ADAM22: variants seen among roughly 807,000 people sequenced by gnomAD.
ADAM22 encodes the protein disintegrin and metalloproteinase domain-containing protein 22.
In ADAM22, 65 loss-of-function variants were observed where a neutral mutation model predicts 144.6. That is an observed-to-expected ratio of 0.45 (90% CI 0.37 to 0.55). The LOEUF is 0.55. Among genes scored for constraint, ADAM22 ranks in the 20% least tolerant of loss-of-function variants. The probability of loss-of-function intolerance (pLI) is 0.00; values close to 1 mark genes in which losing one functional copy is unlikely to be tolerated. For synonymous variants in ADAM22, 391 were observed against 412.6 expected (o/e 0.95, Z 0.63); for missense variants, 974 against 1,184.9 (o/e 0.82, Z 2.61).
At chr7:88,126,119 T>G (rs1361611007) in intron 8 of ADAM22, among the ~76,000 whole-genome samples, 1 of 152,064 alleles carries the variant, frequency 6.6e-6, no homozygotes, top group African/African-American at 2.4e-5. Flanking sequence ...AATTAGGTCA[T>G]GGACTTTATG....
chr7:88,117,550 G>T (rs1390573053), intron 7 of ADAM22, among the ~76,000 whole-genome samples: 2 of 152,144 alleles, frequency 1.3e-5, no homozygotes, highest in Non-Finnish European at 2.9e-5. Flanking sequence ...ATTATGCAGG[G>T]TGAGTTAGCG....
chr7:87,957,187 G>A (rs1156939984), intron 2 of ADAM22, among the ~76,000 whole-genome samples: 2 of 152,122 alleles, frequency 1.3e-5, no homozygotes, highest in African/African-American at 4.8e-5. Context: ...CTCCTTGTAT[G>A]TTCTGTCTGT....
At chr7:88,177,343 T>C (rs1845925674) in intron 26 of ADAM22, among the ~76,000 whole-genome samples, 1 of 152,082 alleles carries the variant, frequency 6.6e-6, no homozygotes, top group Non-Finnish European at 1.5e-5. Context: ...TAAAGATCTC[T>C]TACAGGGGAA....
chr7:88,038,493 C>T lies in ADAM22; in HGVS notation c.324-37133C>T, dbSNP rs1169264605. Among the ~76,000 whole-genome samples, 12 of 147,678 alleles carry T rather than the reference C, an allele frequency of 8.1e-5. No individual in the cohort carries two copies. In the East Asian group the frequency reaches 1.4e-3, roughly 17 times the overall value. Reference sequence around the variant, plus strand: ...CTTTTGAGACGGAGTTTCGCTCTGTCGCCCAGGCTGGAGTGCAGTGGTGCG... The same window carrying T: ...CTTTTGAGACGGAGTTTCGCTCTGTTGCCCAGGCTGGAGTGCAGTGGTGCG... On this transcript the variant is annotated intron_variant, in intron 3 of 31. Coordinates refer to ENST00000413139, the MANE Select transcript of ADAM22 (RefSeq NM_001324418.2).
rs1052432525 is a variant in ADAM22, at chr7:88,133,037, A to G, written c.1077+86A>G. ...CTTAAGAGATAATTTCTCAGTATTC[A>G]CATACTCCAGATGTTAGATTGCTAT... On this transcript the variant is annotated intron_variant, in intron 12 of 31. Coordinates refer to ENST00000413139, the MANE Select transcript of ADAM22 (RefSeq NM_001324418.2). The G allele has an allele frequency of 1.8e-5, 22 of 1,211,024 alleles. No homozygotes were observed. In the African/African-American group the frequency reaches 2.7e-4, roughly 15 times the overall value. The allele number at this position is 1,211,024 out of a possible 1,614,324, so 75.0% of individuals were successfully genotyped here.
chr7:88,145,308 G>A (rs1367701673), intron 16 of ADAM22, 107 bp from the exon 17 acceptor site: 3 of 1,494,356 alleles, frequency 2.0e-6, no homozygotes, highest in African/African-American at 2.8e-5. Context: ...TAGGATTTGT[G>A]GAAGAAAAAT....
chr7:88,134,433 CAT>C lies in ADAM22; in HGVS notation c.1168+15_1168+16del, dbSNP rs1174631709. The C allele has an allele frequency of 1.9e-6, 3 of 1,564,720 alleles. No homozygotes were observed. The Admixed American group carries it at 5.2e-5, about 27-fold the overall frequency. On this transcript the variant is annotated intron_variant, in intron 13 of 31. Transcript: ENST00000413139. ...AGTTAGCAAGTGGTAAGTTTTAGTA[CAT>C]GTGTGGTTAGTTGTATTTAAAATAG...
At chr7:87,991,999 G>C (rs1470872525) in intron 3 of ADAM22, among the ~76,000 whole-genome samples, 2 of 152,178 alleles carry the variant, frequency 1.3e-5, no homozygotes, top group Non-Finnish European at 1.5e-5. Flanking sequence ...ACCTTAATCA[G>C]ATTCAGCTTA....
chr7:88,006,759 A>G (rs1342217357), intron 3 of ADAM22, among the ~76,000 whole-genome samples: 2 of 149,978 alleles, frequency 1.3e-5, no homozygotes, highest in Non-Finnish European at 3.0e-5. Context: ...TCTCAAAATA[A>G]TAAGAGCTGT....
At chr7:88,000,590 A>G (rs931697492) in intron 3 of ADAM22, among the ~76,000 whole-genome samples, 2 of 152,178 alleles carry the variant, frequency 1.3e-5, no homozygotes, top group Non-Finnish European at 1.5e-5. Flanking sequence ...CACAAAGACA[A>G]TATTCTAGTT....
intron 3 of ADAM22, among the ~76,000 whole-genome samples, chr7:87,998,334 A>G (rs907081330): frequency 2.0e-5 from 3 of 152,180 alleles, no homozygotes; most frequent in African/African-American, 7.2e-5. Context: ...ACTCAATATC[A>G]CAGGGCTCAT....
chr7:88,114,769 A>C, intron 6 of ADAM22, 122 bp downstream of exon 6: 1 of 801,222 alleles, frequency 1.2e-6, no homozygotes, highest in South Asian at 1.9e-5. Flanking sequence ...GATAGTAAAC[A>C]TATGTACAGA....
chr7:88,145,486 T>C lies in ADAM22; in HGVS notation c.1464T>C (p.Gly488=), dbSNP rs756589588. The change falls in exon 17 of 32, where the codon GGT becomes GGC. Residue 488 remains glycine (G), a synonymous_variant. Coordinates refer to ENST00000413139, the MANE Select transcript of ADAM22 (RefSeq NM_001324418.2). Reference sequence around the variant, plus strand: ...CTCAAGACTCTCAATGCAGTGACGGTCTTTGCTGTAAAAAGTGCAAGGTAA... The same window carrying C: ...CTCAAGACTCTCAATGCAGTGACGGCCTTTGCTGTAAAAAGTGCAAGGTAA... ...TLTQDSQCSD[G]LCCKKCKFQP... is the part of the protein sequence containing the mutation. 4.3e-6 allele frequency: 7 copies of C among 1,613,618 alleles called. 1 individual carries two copies. The Admixed American group carries it at 1.0e-4, about 23-fold the overall frequency.
At chr7:88,036,098 A>C (rs888266724) in intron 3 of ADAM22, among the ~76,000 whole-genome samples, 1 of 152,226 alleles carries the variant, frequency 6.6e-6, no homozygotes, top group African/African-American at 2.4e-5. Context: ...TATAAATGCA[A>C]ATGAAAAATA....
At chr7:87,938,124 A>G (rs1841678719) in intron 2 of ADAM22, among the ~76,000 whole-genome samples, 1 of 151,884 alleles carries the variant, frequency 6.6e-6, no homozygotes, top group Non-Finnish European at 1.5e-5. Context: ...TGAAAAACAT[A>G]AGTTGATTTT....
intron 3 of ADAM22, among the ~76,000 whole-genome samples, chr7:88,069,751 C>T (rs1458187470): frequency 1.3e-5 from 2 of 151,960 alleles, no homozygotes; most frequent in African/African-American, 4.8e-5. Flanking sequence ...GACCCTTGAA[C>T]CAAAAAGATA....
intron 3 of ADAM22, among the ~76,000 whole-genome samples, chr7:88,019,856 T>A (rs915141517): frequency 7.7e-6 from 1 of 130,694 alleles, no homozygotes; most frequent in Admixed American, 7.7e-5. Context: ...TCTCAAAAAA[T>A]ATGTGTGTGT....
At chr7:87,956,349 T>C (rs535320899) in intron 2 of ADAM22, among the ~76,000 whole-genome samples, 1 of 152,348 alleles carries the variant, frequency 6.6e-6, no homozygotes, top group South Asian at 2.1e-4. Context: ...CATTAAAAGA[T>C]AAAGATCAAA....
intron 10 of ADAM22, among the ~76,000 whole-genome samples, chr7:88,130,903 C>T (rs979625289): frequency 6.6e-6 from 1 of 152,112 alleles, no homozygotes; most frequent in Non-Finnish European, 1.5e-5. Flanking sequence ...TAATCAGAGC[C>T]AGTCAGCTTG....
Sources: gnomAD v4.1 joint callset for allele counts (sites outside exome capture counted in the v4.1 genomes callset) on GRCh38, gnomAD v4.1.1 for gene constraint, MANE v1.5 for transcripts, NCBI Gene and HGNC (gene_info 2026-07-23, HGNC 2026-07-21) for gene names.